SLC16A9: variants seen among roughly 807,000 people sequenced by gnomAD.
The protein encoded by SLC16A9 is solute carrier family 16 member 9, also known as monocarboxylate transporter 9.
Under a neutral mutation model 44.3 loss-of-function variants are expected in SLC16A9, and 26 were observed. That is an observed-to-expected ratio of 0.59 (90% CI 0.43 to 0.81). SLC16A9 has a LOEUF of 0.81. Ranked by LOEUF, SLC16A9 falls within the 40% of genes least tolerant of loss-of-function variation. The pLI is 0.00. For missense variants in SLC16A9, 559 were observed against 595.8 expected, an observed-to-expected ratio of 0.94 and a Z score of 0.64; for synonymous variants, 230 against 225.1, an observed-to-expected ratio of 1.02 and a Z score of -0.19.
chr10:59,706,085 C>T (rs1012860963), intron 1 of SLC16A9, among the ~76,000 whole-genome samples: 2 of 152,196 alleles, frequency 1.3e-5, no homozygotes, highest in Admixed American at 1.3e-4. Flanking sequence ...GCTACACCCA[C>T]CCCACAACTT....
chr10:59,687,609 C>A (rs536132965), intron 1 of SLC16A9, among the ~76,000 whole-genome samples: 1 of 152,110 alleles, frequency 6.6e-6, no homozygotes, highest in Non-Finnish European at 1.5e-5. Context: ...ACTTCATAGG[C>A]AAAATTTGTC....
intron 1 of SLC16A9, among the ~76,000 whole-genome samples, chr10:59,685,302 A>C (rs1426870141): frequency 6.6e-6 from 1 of 152,102 alleles, no homozygotes; most frequent in African/African-American, 2.4e-5. Context: ...ATAGGCAAAA[A>C]CACTTGCATG....
intron 4 of SLC16A9, among the ~76,000 whole-genome samples, chr10:59,660,541 C>G (rs948164427): frequency 5.9e-5 from 9 of 152,144 alleles, no homozygotes; most frequent in African/African-American, 2.2e-4. Flanking sequence ...TGCCCATGAC[C>G]AGGCGGATTC....
In SLC16A9 at chr10:59,652,793, G is replaced by A; in HGVS notation, c.1509C>T (p.Tyr503=). The stretch of plus-strand genomic sequence containing the variant: ...TCTTCTAAACATTAGAGGCAACTTT[G>A]TACAAGAAAGTTGTTGGAGCTGGCT... The part of the protein sequence containing the change: ...LPKPAPTTFL[Y]KVASNV Residue 503 remains tyrosine (Y), a synonymous_variant, in exon 6 of 6, where the codon TAC becomes TAT. Coordinates refer to ENST00000395348, the MANE Select transcript of SLC16A9 (RefSeq NM_194298.3). 1.2e-6 allele frequency: 2 copies of A among 1,611,870 alleles called. No individual in the cohort carries two copies. The highest frequency in any genetic ancestry group is 1.7e-6 in the Non-Finnish European group (2 of 1,179,374).
chr10:59,672,866 T>C lies in SLC16A9; in HGVS notation c.244A>G (p.Thr82Ala), dbSNP rs781486012. 6 of 1,613,654 alleles carry C rather than the reference T, an allele frequency of 3.7e-6. No homozygotes were observed. The East Asian group carries it at 1.1e-4, about 30-fold the overall frequency. ...CVSSFGARPV[T>A]IFSGFMVAGG... ...GCCACCATGAAGCCACTGAAGATTGTGACAGGTCTTGCTCCAAAAGATGAG... is the reference window on the plus strand; with the variant it reads ...GCCACCATGAAGCCACTGAAGATTGCGACAGGTCTTGCTCCAAAAGATGAG... Residue 82 changes from threonine (T) to alanine (A), a missense_variant, in exon 3 of 6, where the codon ACA (threonine) becomes GCA (alanine). Physicochemically the swap from Thr to Ala is moderately conservative, Grantham distance 58. Coordinates refer to ENST00000395348, the MANE Select transcript of SLC16A9 (RefSeq NM_194298.3).
At chr10:59,666,476 T>C (rs561025676) in intron 3 of SLC16A9, among the ~76,000 whole-genome samples, 24 of 152,154 alleles carry the variant, frequency 1.6e-4, no homozygotes, top group Middle Eastern at 3.2e-3. Context: ...AGATGTTCTC[T>C]GCTTTTTTCA....
chr10:59,659,343 T>C (rs982561005), intron 4 of SLC16A9, among the ~76,000 whole-genome samples: 5 of 152,128 alleles, frequency 3.3e-5, no homozygotes, highest in Non-Finnish European at 7.4e-5. Context: ...TTTCTGACAG[T>C]GGCCTTAGGG....
At chr10:59,697,604 G>A (rs1171628) in intron 1 of SLC16A9, among the ~76,000 whole-genome samples, 41,837 of 147,714 alleles carry the variant, frequency 0.28, 6,746 homozygotes, top group East Asian at 0.68. Context: ...GCGGAAGGCC[G>A]CAGGGTCCTC....
In SLC16A9 at chr10:59,652,743, T is replaced by C. The variant is rs149206471; in HGVS notation, c.*29A>G. 2.0e-5 allele frequency: 31 copies of C among 1,581,770 alleles called. No homozygotes were observed. The African/African-American group carries it at 3.5e-4, about 18-fold the overall frequency. ...AATATCGTTGCTATATGGTATAAAATAGCAAAAATAGTGTCTTCCAATATT... is the reference window on the plus strand; with the variant it reads ...AATATCGTTGCTATATGGTATAAAACAGCAAAAATAGTGTCTTCCAATATT... On this transcript the variant is annotated 3_prime_UTR_variant, in exon 6 of 6. Transcript: ENST00000395348.
chr10:59,697,785 AT>A (rs1253807157), intron 1 of SLC16A9, among the ~76,000 whole-genome samples: 20 of 150,594 alleles, frequency 1.3e-4, no homozygotes, highest in Non-Finnish European at 2.7e-4. Flanking sequence ...AAATAAAAAA[AT>A]AAAAAAAAGA....
chr10:59,692,496 C>T (rs1564710562), intron 1 of SLC16A9, among the ~76,000 whole-genome samples: 1 of 152,162 alleles, frequency 6.6e-6, no homozygotes, highest in East Asian at 1.9e-4. Context: ...TAGCACAACT[C>T]TATGAACATG....
At chr10:59,679,606 G>A (rs1283933519) in intron 2 of SLC16A9, among the ~76,000 whole-genome samples, 3 of 152,170 alleles carry the variant, frequency 2.0e-5, no homozygotes, top group Non-Finnish European at 4.4e-5. Flanking sequence ...TCTAGGATAA[G>A]CTACCTTATT....
At chr10:59,655,866 A>G (rs576962835) in intron 4 of SLC16A9, among the ~76,000 whole-genome samples, 1 of 152,226 alleles carries the variant, frequency 6.6e-6, no homozygotes, top group Non-Finnish European at 1.5e-5. Context: ...CCAAGCTCAG[A>G]GGCATCACTG....
intron 1 of SLC16A9, among the ~76,000 whole-genome samples, chr10:59,689,444 A>G (rs558107335): frequency 6.6e-6 from 1 of 152,340 alleles, no homozygotes; most frequent in South Asian, 2.1e-4. Flanking sequence ...ACCTTGAGCA[A>G]TAAAGGGCAT....
chr10:59,696,106 C>G lies in SLC16A9; in HGVS notation c.-36-11779G>C, dbSNP rs375710513. On this transcript the variant is annotated intron_variant, in intron 1 of 5. Transcript: ENST00000395348. ...CTCTCCCCTCTCCCTCTCCGTCTCC[C>G]CACGGTCTCCCTCTCCCTCTCTTGC... 1.2e-3 allele frequency among the ~76,000 whole-genome samples: 188 copies of G among 152,096 alleles called. 2 individuals are homozygous for G. The highest frequency in any genetic ancestry group is 4.4e-3 in the African/African-American group (181 of 41,478).
chr10:59,707,238 A>G (rs1840659555), intron 1 of SLC16A9, among the ~76,000 whole-genome samples: 5 of 136,522 alleles, frequency 3.7e-5, no homozygotes, highest in Admixed American at 3.0e-4. Context: ...AAAAGAGGGA[A>G]GGAAAAGAGG....
At position 59,653,925 on chromosome 10, in the gene SLC16A9, C is replaced by T. The variant is rs1839280151; in HGVS notation, c.1101G>A (p.Lys367=). ...CATAAAGATACAAGGTATTAATCCACTTGAAGTCAGCCAGTATCCCTAAAA... is the reference window on the plus strand; with the variant it reads ...CATAAAGATACAAGGTATTAATCCATTTGAAGTCAGCCAGTATCCCTAAAA... ...KLLLGILADF[K]WINTLYLYVA... is the part of the protein sequence containing the mutation. The change falls in exon 5 of 6, where the codon AAG becomes AAA. Residue 367 remains lysine, a synonymous_variant. Coordinates refer to ENST00000395348, the MANE Select transcript of SLC16A9 (RefSeq NM_194298.3). 1 of 1,614,006 alleles carries T rather than the reference C, an allele frequency of 6.2e-7. No homozygotes were observed. The highest frequency in any genetic ancestry group is 1.1e-5 in the South Asian group (1 of 91,086).
At chr10:59,704,946 GAC>G (rs1382007769) in intron 1 of SLC16A9, among the ~76,000 whole-genome samples, 2 of 152,120 alleles carry the variant, frequency 1.3e-5, no homozygotes, top group African/African-American at 2.4e-5. Flanking sequence ...AAAAAATCAA[GAC>G]ACACAGAAAA....
intron 1 of SLC16A9, among the ~76,000 whole-genome samples, chr10:59,688,872 G>A (rs1281886755): frequency 1.3e-5 from 2 of 151,866 alleles, no homozygotes; most frequent in Non-Finnish European, 2.9e-5. Flanking sequence ...CTGGGAGGTT[G>A]CGGGCAATGG....
Sources: gnomAD v4.1 joint callset for allele counts (sites outside exome capture counted in the v4.1 genomes callset) on GRCh38, gnomAD v4.1.1 for gene constraint, MANE v1.5 for transcripts, NCBI Gene and HGNC (gene_info 2026-07-23, HGNC 2026-07-21) for gene names.